LPO: variants seen among roughly 807,000 people sequenced by gnomAD.
LPO encodes salivary peroxidase.
A neutral mutation model predicts 68.4 loss-of-function variants in LPO; 70 were observed. That is an observed-to-expected ratio of 1.02 (90% confidence interval 0.84 to 1.25). The LOEUF is 1.25. Among genes scored for constraint, LPO ranks in the 50% most tolerant of loss-of-function variants. LPO has a pLI of 0.00. For synonymous variants in LPO, 360 were observed against 357.6 expected (o/e 1.01, Z -0.08); for missense variants, 873 against 908.4 (o/e 0.96, Z 0.50).
intron 11 of LPO, among the ~76,000 whole-genome samples, 196 bp from the exon 12 acceptor site, chr17:58,267,153 G>T (rs1970282864): frequency 6.6e-6 from 1 of 152,212 alleles, no homozygotes. Flanking sequence ...ATTGCTTAGT[G>T]GTTACATAGG....
chr17:58,241,591 C>CT (rs1969761055), intron 1 of LPO, among the ~76,000 whole-genome samples: 2 of 152,118 alleles, frequency 1.3e-5, no homozygotes, highest in Admixed American at 1.3e-4. Context: ...CTCCTTGGGG[C>CT]CATACAACTA....
At chr17:58,259,266 T>C (rs1451536441) in intron 9 of LPO, among the ~76,000 whole-genome samples, 2 of 152,154 alleles carry the variant, frequency 1.3e-5, no homozygotes, top group African/African-American at 4.8e-5. Flanking sequence ...TTGCATAAAG[T>C]GTGAGGTTTA....
chr17:58,264,624 A>G (rs1970225336), intron 9 of LPO, 98 bp from the exon 10 acceptor site: 2 of 1,334,862 alleles, frequency 1.5e-6, no homozygotes, highest in Non-Finnish European at 2.1e-6. Context: ...TTGGTTTTCA[A>G]CAGCTCATCA....
At chr17:58,250,910 T>G (rs901124812) in intron 7 of LPO, 3 of 422,482 alleles carry the variant, frequency 7.1e-6, no homozygotes, top group East Asian at 4.6e-5. Context: ...AAACTACTGA[T>G]AGCAGAATGG....
Position 58,247,584 on chromosome 17 carries a change from T to G in LPO, c.271T>G (p.Trp91Gly). The change falls in exon 4 of 13, where the codon TGG becomes GGG. Residue 91 changes from tryptophan to glycine, a missense_variant. Trp to Gly is a radical substitution (Grantham distance 184). Coordinates refer to ENST00000262290, the MANE Select transcript of LPO (RefSeq NM_006151.3). Reference protein sequence around the residue: ...TRTAIRNGQVWEESLKRLRQK... With the variant: ...TRTAIRNGQVGEESLKRLRQK... ...CACAGCCATCCGCAATGGACAGGTG[T>G]GGGAGGAGTCTTTAAAGAGACTGAG... 6.2e-7 allele frequency: 1 copy of G among 1,614,010 alleles called. No homozygotes were observed.
chr17:58,243,158 T>C, intron 2 of LPO, 103 bp downstream of exon 2: 2 of 1,160,844 alleles, frequency 1.7e-6, no homozygotes, highest in Non-Finnish European at 1.3e-6. Flanking sequence ...TACGGGAGGA[T>C]AGAAGTCCAA....
chr17:58,267,394 C>A lies in LPO; in HGVS notation c.1739C>A (p.Thr580Lys), dbSNP rs761419379. ...TTCTGTGACCTCTCACAGCCGCAGA[C>A]ACTAGAGGAGTTGAACACAGTGCTG... The part of the protein sequence containing the change: ...RAFCDLSQPQ[T>K]LEELNTVLKS... The change falls in exon 12 of 13, where the codon ACA becomes AAA. Residue 580 changes from threonine to lysine, a missense_variant. Physicochemically the swap from Thr to Lys is moderately conservative, Grantham distance 78 (BLOSUM62 -1). Transcript: ENST00000262290. 2 of 1,614,254 alleles carry A rather than the reference C, an allele frequency of 1.2e-6. No homozygotes were observed. The highest frequency in any genetic ancestry group is 1.7e-6 in the Non-Finnish European group (2 of 1,180,050).
chr17:58,249,160 G>C lies in LPO; in HGVS notation c.426G>C (p.Thr142=), dbSNP rs8178329. ...CDPCSPYRTI[T]GDCNNRRKPA... ...CGTGCAGCCCTTACCGCACCATTAC[G>C]GGAGACTGCAATAACAGGTGGCGGG... The change falls in exon 5 of 13, where the codon ACG becomes ACC. Residue 142 remains threonine (T), a synonymous_variant. Coordinates refer to ENST00000262290, the MANE Select transcript of LPO (RefSeq NM_006151.3). 123,201 of 1,613,770 alleles carry C rather than the reference G, an allele frequency of 0.076. 5,018 individuals are homozygous for C. Among genetic ancestry groups the C allele is most frequent in the Middle Eastern group, 0.085 (516 of 6,060 alleles).
At chr17:58,266,843 A>G (rs1970277005) in intron 11 of LPO, among the ~76,000 whole-genome samples, 1 of 152,232 alleles carries the variant, frequency 6.6e-6, no homozygotes, top group Non-Finnish European at 1.5e-5. Flanking sequence ...TATATCTGGT[A>G]CTATCTTGGC....
intron 9 of LPO, 45 bp downstream of exon 9, chr17:58,255,016 C>G: frequency 6.3e-7 from 1 of 1,599,036 alleles, no homozygotes; most frequent in Non-Finnish European, 8.5e-7. Flanking sequence ...ACCTGGCTCC[C>G]ACTCCTGGCT....
At chr17:58,254,162 TAG>T (rs1249264349) in intron 8 of LPO, among the ~76,000 whole-genome samples, 13 of 151,732 alleles carry the variant, frequency 8.6e-5, no homozygotes, top group Non-Finnish European at 1.3e-4. Context: ...TATAGATAGA[TAG>T]ATAGATAGAT....
Position 58,267,528 on chromosome 17 carries a change from G to A in LPO, c.1873G>A (p.Gly625Arg), listed in dbSNP as rs758789202. 2 of 1,614,138 alleles carry A rather than the reference G, an allele frequency of 1.2e-6. No homozygotes were observed. The highest frequency in any genetic ancestry group is 1.7e-6 in the Non-Finnish European group (2 of 1,179,988). ...AEPLVERGRV[G>R]PLLACLLGKQ... is the part of the protein sequence containing the mutation. Reference sequence around the variant, plus strand: ...GCCGCTGGTGGAAAGGGGTCGGGTGGGGCCTCTCCTGGCCTGCCTCTTGGG... The same window carrying A: ...GCCGCTGGTGGAAAGGGGTCGGGTGAGGCCTCTCCTGGCCTGCCTCTTGGG... The change falls in exon 12 of 13, where the codon GGG (glycine) becomes AGG (arginine). Residue 625 changes from glycine (G) to arginine (R), a missense_variant. Transcript: ENST00000262290.
chr17:58,256,833 A>T (rs1970082496), intron 9 of LPO, among the ~76,000 whole-genome samples: 1 of 151,608 alleles, frequency 6.6e-6, no homozygotes, highest in South Asian at 2.1e-4. Flanking sequence ...TTTCAAAAAA[A>T]AAAAAAAAAA....
chr17:58,250,588 C>G lies in LPO; in HGVS notation c.747C>G (p.Tyr249Ter). 6.2e-7 allele frequency: 1 copy of G among 1,614,096 alleles called. No homozygotes were observed. The highest frequency in any genetic ancestry group is 8.5e-7 in the Non-Finnish European group (1 of 1,180,030). ...SEYSKAQCDE[Y>*]CIQGDNCFPI... ...ACTCCAAAGCCCAGTGTGATGAGTA[C>G]TGTATCCAGGGAGACAACTGCTTCC... The change falls in exon 7 of 13, where the codon TAC becomes TAG. Residue 249 changes from tyrosine to a stop codon, truncating the protein, a stop_gained. Transcript: ENST00000262290. LOFTEE classifies it high-confidence loss of function.
At chr17:58,251,786 G>A (rs767226621) in intron 7 of LPO, 26 of 518,970 alleles carry the variant, frequency 5.0e-5, no homozygotes, top group Non-Finnish European at 8.8e-5. Flanking sequence ...ACTGAGATGA[G>A]TTAAAGTATG....
At chr17:58,242,405 C>A (rs1969774819) in intron 1 of LPO, among the ~76,000 whole-genome samples, 1 of 152,154 alleles carries the variant, frequency 6.6e-6, no homozygotes, top group Admixed American at 6.5e-5. Flanking sequence ...AAGCCCCTGC[C>A]AGGTTTCCGA....
At position 58,264,813 on chromosome 17, in the gene LPO, A is replaced by T; in HGVS notation, c.1358A>T (p.Asp453Val). Residue 453 changes from aspartate to valine, a missense_variant, in exon 10 of 13, where the codon GAT becomes GTT. Coordinates refer to ENST00000262290, the MANE Select transcript of LPO (RefSeq NM_006151.3). ...PPYQGYSESV[D>V]PRISNVFTFA... ...TATCAAGGCTACAGTGAATCTGTGG[A>T]TCCCAGAATTTCCAATGTCTTCACC... 6.2e-7 allele frequency: 1 copy of T among 1,614,240 alleles called. No individual in the cohort carries two copies. The highest frequency in any genetic ancestry group is 8.5e-7 in the Non-Finnish European group (1 of 1,180,042).
At chr17:58,266,426 T>C in intron 11 of LPO, 100 bp downstream of exon 11, 3 of 1,336,024 alleles carry the variant, frequency 2.2e-6, no homozygotes, top group Non-Finnish European at 3.0e-6. Context: ...GATCATCTGA[T>C]CAATTCTGAA....
chr17:58,251,988 G>A, intron 7 of LPO, 194 bp from the exon 8 acceptor site: 1 of 762,498 alleles, frequency 1.3e-6, no homozygotes, highest in Non-Finnish European at 2.4e-6. Flanking sequence ...CACACAACAG[G>A]ATGTAATGAA....
Sources: gnomAD v4.1 joint callset for allele counts (sites outside exome capture counted in the v4.1 genomes callset) on GRCh38, gnomAD v4.1.1 for gene constraint, MANE v1.5 for transcripts, NCBI Gene and HGNC (gene_info 2026-07-23, HGNC 2026-07-21) for gene names.